Variants in CNTN5 observed in about 807,000 individuals in gnomAD.
CNTN5 encodes the protein contactin-5.
In CNTN5, 77 loss-of-function variants were observed where a neutral mutation model predicts 129.1. The observed-to-expected ratio is 0.60, with a 90% CI of 0.50 to 0.72. The LOEUF (loss-of-function observed/expected upper bound fraction) is 0.72. CNTN5 is among the 30% of genes least tolerant of loss of function. CNTN5 has a pLI of 0.00. For synonymous variants in CNTN5, 509 were observed against 465.6 expected (o/e 1.09, Z -1.20); for missense variants, 1,478 against 1,328.8 (o/e 1.11, Z -1.75).
intron 2 of CNTN5, among the ~76,000 whole-genome samples, chr11:99,536,510 A>C (rs1303061895): frequency 6.6e-6 from 1 of 152,152 alleles, no homozygotes; most frequent in East Asian, 1.9e-4. Flanking sequence ...GAAAACCTGC[A>C]GATAAACAGT....
chr11:99,501,629 G>A (rs182544746), intron 2 of CNTN5, among the ~76,000 whole-genome samples: 1 of 152,208 alleles, frequency 6.6e-6, no homozygotes, highest in African/African-American at 2.4e-5. Context: ...TTATCCACAG[G>A]TAAAAGATAT....
chr11:99,909,381 A>G (rs1949594503), intron 6 of CNTN5, among the ~76,000 whole-genome samples: 1 of 152,182 alleles, frequency 6.6e-6, no homozygotes, highest in Admixed American at 6.5e-5. Context: ...AACCACTTCA[A>G]CCATTGTGGA....
Position 99,928,741 on chromosome 11 carries a change from C to T in CNTN5, c.673+12592C>T, listed in dbSNP as rs78132761. 5.1e-3 allele frequency among the ~76,000 whole-genome samples: 783 copies of T among 152,284 alleles called. 6 individuals are homozygous for T. The highest frequency in any genetic ancestry group is 0.015 in the African/African-American group (636 of 41,572). On this transcript the variant is annotated intron_variant, in intron 7 of 24. Coordinates refer to ENST00000524871, the MANE Select transcript of CNTN5 (RefSeq NM_014361.4). Reference sequence around the variant, plus strand: ...GGGGCTGCTATGAAGACTTCTCACACGCTCTGGAGACATTTTCCTGATTGT... The same window carrying T: ...GGGGCTGCTATGAAGACTTCTCACATGCTCTGGAGACATTTTCCTGATTGT...
At chr11:99,275,469 G>T (rs977554037) in intron 1 of CNTN5, among the ~76,000 whole-genome samples, 2 of 151,532 alleles carry the variant, frequency 1.3e-5, no homozygotes, top group Non-Finnish European at 3.0e-5. Flanking sequence ...TTTTTGAATG[G>T]ATAAACCTAC....
At position 99,718,728 on chromosome 11, in the gene CNTN5, T is replaced by TG. The variant is rs534862454; in HGVS notation, c.56-100815dup. ...GAAAAAAATTTTAGTCTCTATTTAC[T>TG]GACATCTTACTATGTACCAAACACT... On this transcript the variant is annotated intron_variant, in intron 3 of 24. Coordinates refer to ENST00000524871, the MANE Select transcript of CNTN5 (RefSeq NM_014361.4). Among the ~76,000 whole-genome samples the TG allele has an allele frequency of 9.8e-4, 149 of 152,280 alleles. 1 individual carries two copies. Among genetic ancestry groups the TG allele is most frequent in the African/African-American group, 3.3e-3 (138 of 41,572 alleles).
intron 1 of CNTN5, among the ~76,000 whole-genome samples, chr11:99,145,325 C>T (rs1859728312): frequency 6.6e-6 from 1 of 151,986 alleles, no homozygotes; most frequent in Admixed American, 6.6e-5. Flanking sequence ...CCACCTCGGC[C>T]TCCCAATGTG....
intron 2 of CNTN5, among the ~76,000 whole-genome samples, chr11:99,457,067 G>T (rs1431898279): frequency 1.3e-5 from 2 of 151,882 alleles, no homozygotes; most frequent in Non-Finnish European, 2.9e-5. Context: ...ATTTTCTGCA[G>T]GTTTCCAAAG....
intron 9 of CNTN5, chr11:100,003,841 C>A (rs943622603): frequency 6.6e-6 from 1 of 152,152 alleles, no homozygotes; most frequent in East Asian, 1.9e-4. Context: ...CTGCTTCACT[C>A]AAGAAGGTCT....
At chr11:99,172,600 C>A (rs1367713086) in intron 1 of CNTN5, among the ~76,000 whole-genome samples, 1 of 151,996 alleles carries the variant, frequency 6.6e-6, no homozygotes, top group Non-Finnish European at 1.5e-5. Context: ...AAGTTAATTG[C>A]AAGATTTGAA....
At chr11:99,816,471 T>C (rs1946590680) in intron 3 of CNTN5, among the ~76,000 whole-genome samples, 1 of 152,166 alleles carries the variant, frequency 6.6e-6, no homozygotes, top group Non-Finnish European at 1.5e-5. Context: ...AGCCTTTACC[T>C]CAAGCTCTTG....
intron 1 of CNTN5, among the ~76,000 whole-genome samples, chr11:99,300,218 A>G (rs1025684514): frequency 1.3e-5 from 2 of 152,064 alleles, no homozygotes; most frequent in Admixed American, 6.6e-5. Flanking sequence ...GAATGTTTTC[A>G]GCTCTTCCCC....
intron 8 of CNTN5, among the ~76,000 whole-genome samples, chr11:99,972,021 A>T (rs1325375332): frequency 1.4e-5 from 2 of 146,546 alleles, no homozygotes; most frequent in Non-Finnish European, 3.0e-5. Flanking sequence ...AGGCTGAGGC[A>T]GGTGGATCAT....
chr11:99,439,947 C>T (rs965833191), intron 2 of CNTN5, among the ~76,000 whole-genome samples: 4 of 151,678 alleles, frequency 2.6e-5, no homozygotes, highest in African/African-American at 9.7e-5. Context: ...TAATAAAAGA[C>T]AAAATGTAGA....
At chr11:99,459,786 A>G (rs953406182) in intron 2 of CNTN5, among the ~76,000 whole-genome samples, 2 of 152,022 alleles carry the variant, frequency 1.3e-5, no homozygotes, top group Non-Finnish European at 1.5e-5. Flanking sequence ...GTGTCTTATG[A>G]GAGAAATATT....
chr11:100,192,274 G>A (rs1039421488), intron 14 of CNTN5, among the ~76,000 whole-genome samples: 11 of 152,046 alleles, frequency 7.2e-5, no homozygotes, highest in African/African-American at 2.7e-4. Context: ...TTAATCATGA[G>A]TTTAATTGTT....
At chr11:99,335,719 C>T (rs1866191196) in intron 2 of CNTN5, among the ~76,000 whole-genome samples, 1 of 152,060 alleles carries the variant, frequency 6.6e-6, no homozygotes, top group Non-Finnish European at 1.5e-5. Flanking sequence ...TAATTAGGCT[C>T]ATGGGTGAGG....
intron 9 of CNTN5, among the ~76,000 whole-genome samples, chr11:100,017,970 A>G (rs950920565): frequency 2.9e-4 from 44 of 151,984 alleles, no homozygotes; most frequent in African/African-American, 1.0e-3. Context: ...CCATTTGGTT[A>G]TTGTTTGACT....
chr11:99,208,060 T>G (rs1859571477), intron 1 of CNTN5, among the ~76,000 whole-genome samples: 1 of 152,204 alleles, frequency 6.6e-6, no homozygotes, highest in South Asian at 2.1e-4. Flanking sequence ...AAAAGAAAGA[T>G]CTATTGACAG....
chr11:100,053,845 C>T (rs1429692232), intron 9 of CNTN5, among the ~76,000 whole-genome samples: 1 of 151,710 alleles, frequency 6.6e-6, no homozygotes, highest in Non-Finnish European at 1.5e-5. Context: ...CAAACTGTAG[C>T]ATATCCATAT....
Sources: gnomAD v4.1 joint callset for allele counts (sites outside exome capture counted in the v4.1 genomes callset) on GRCh38, gnomAD v4.1.1 for gene constraint, MANE v1.5 for transcripts, NCBI Gene and HGNC (gene_info 2026-07-23, HGNC 2026-07-21) for gene names.